CNTNAP2: variants seen among roughly 807,000 people sequenced by gnomAD.
CNTNAP2 encodes contactin associated protein 2.
A neutral mutation model predicts 155.2 loss-of-function variants in CNTNAP2; 98 were observed. The ratio of observed to expected loss-of-function variants is 0.63; its 90% CI spans 0.54 to 0.75. CNTNAP2 has a LOEUF of 0.75. Ranked by LOEUF, CNTNAP2 falls within the 30% of genes least tolerant of loss-of-function variation. The probability of loss-of-function intolerance (pLI) is 0.00; values close to 1 mark genes in which losing one functional copy is unlikely to be tolerated. For synonymous variants in CNTNAP2, 651 were observed against 631.2 expected (o/e 1.03, Z -0.47); for missense variants, 1,727 against 1,688.1 (o/e 1.02, Z -0.40).
chr7:147,812,001 C>T (rs1028913049), intron 13 of CNTNAP2, among the ~76,000 whole-genome samples: 1 of 152,056 alleles, frequency 6.6e-6, no homozygotes, highest in African/African-American at 2.4e-5. Flanking sequence ...GGAAAAAAAT[C>T]AAATAATAGC....
chr7:146,230,362 C>T (rs547302774), intron 1 of CNTNAP2, among the ~76,000 whole-genome samples: 20 of 152,296 alleles, frequency 1.3e-4, no homozygotes, highest in African/African-American at 4.6e-4. Context: ...ACTTCCTTCA[C>T]TGAAGAGAAA....
At chr7:148,394,813 A>G (rs1799430607) in intron 22 of CNTNAP2, among the ~76,000 whole-genome samples, 1 of 152,212 alleles carries the variant, frequency 6.6e-6, no homozygotes, top group South Asian at 2.1e-4. Flanking sequence ...TGGGAGTGGC[A>G]AGGAGATAAG....
At chr7:147,696,452 T>C (rs1324889076) in intron 13 of CNTNAP2, among the ~76,000 whole-genome samples, 2 of 152,204 alleles carry the variant, frequency 1.3e-5, no homozygotes, top group Non-Finnish European at 2.9e-5. Flanking sequence ...GCAAATACTT[T>C]ATAATAACAA....
intron 1 of CNTNAP2, among the ~76,000 whole-genome samples, chr7:146,703,465 T>A (rs950629185): frequency 6.6e-6 from 1 of 152,158 alleles, no homozygotes; most frequent in Non-Finnish European, 1.5e-5. Context: ...ACTCATTTTT[T>A]AAGTATTTTT....
At chr7:148,159,909 T>A (rs933314761) in intron 17 of CNTNAP2, among the ~76,000 whole-genome samples, 1 of 151,954 alleles carries the variant, frequency 6.6e-6, no homozygotes, top group African/African-American at 2.4e-5. Flanking sequence ...CTTATGACAT[T>A]TTTTTTTAAA....
At chr7:148,272,797 G>A (rs1796805214) in intron 21 of CNTNAP2, among the ~76,000 whole-genome samples, 2 of 152,286 alleles carry the variant, frequency 1.3e-5, no homozygotes, top group South Asian at 2.1e-4. Context: ...ACTAGTATGA[G>A]AATCATGTCC....
At chr7:147,753,838 T>C (rs1797175630) in intron 13 of CNTNAP2, among the ~76,000 whole-genome samples, 1 of 152,160 alleles carries the variant, frequency 6.6e-6, no homozygotes, top group Non-Finnish European at 1.5e-5. Context: ...TGCTCAATAA[T>C]TAGAACTTTG....
intron 8 of CNTNAP2, among the ~76,000 whole-genome samples, chr7:147,145,033 G>A (rs1486464262): frequency 6.6e-6 from 1 of 152,156 alleles, no homozygotes; most frequent in Non-Finnish European, 1.5e-5. Context: ...AAATCAGTAA[G>A]ATGATATGAC....
At chr7:146,705,578 C>T (rs1800949542) in intron 1 of CNTNAP2, among the ~76,000 whole-genome samples, 1 of 151,482 alleles carries the variant, frequency 6.6e-6, no homozygotes, top group South Asian at 2.1e-4. Flanking sequence ...ATACCTGAGA[C>T]TGGATAATTT....
chr7:147,513,829 C>A (rs117233482), intron 11 of CNTNAP2, among the ~76,000 whole-genome samples: 1 of 152,204 alleles, frequency 6.6e-6, no homozygotes, highest in Admixed American at 6.5e-5. Flanking sequence ...CTTCAATCTG[C>A]ACCCGGGGGA....
chr7:148,119,788 TA>T (rs1804561346), intron 16 of CNTNAP2, among the ~76,000 whole-genome samples: 1 of 152,158 alleles, frequency 6.6e-6, no homozygotes, highest in South Asian at 2.1e-4. Context: ...TAAATACTCA[TA>T]AGGCATTTAT....
intron 4 of CNTNAP2, among the ~76,000 whole-genome samples, chr7:147,094,830 A>G (rs1004247270): frequency 5.3e-5 from 8 of 152,086 alleles, no homozygotes; most frequent in East Asian, 3.9e-4. Flanking sequence ...TTGGCCTGCT[A>G]TAACAGAATA....
At chr7:148,064,301 T>G (rs1045013460) in intron 15 of CNTNAP2, among the ~76,000 whole-genome samples, 3 of 152,092 alleles carry the variant, frequency 2.0e-5, no homozygotes, top group Non-Finnish European at 2.9e-5. Flanking sequence ...TGCATTGAAT[T>G]TATAGATTGC....
chr7:147,862,624 C>CAT (rs35195015), intron 13 of CNTNAP2, among the ~76,000 whole-genome samples: 89,545 of 150,836 alleles, frequency 0.59, 26,840 homozygotes, highest in Middle Eastern at 0.7. Context: ...TGAGACCACT[C>CAT]ATATATATAT....
intron 3 of CNTNAP2, among the ~76,000 whole-genome samples, chr7:146,861,969 C>T (rs1795110972): frequency 6.6e-6 from 1 of 152,092 alleles, no homozygotes; most frequent in African/African-American, 2.4e-5. Flanking sequence ...TGTATAACCA[C>T]TGTAATTAAA....
At chr7:148,014,570 C>T (rs1802142057) in intron 15 of CNTNAP2, among the ~76,000 whole-genome samples, 2 of 152,220 alleles carry the variant, frequency 1.3e-5, no homozygotes, top group Non-Finnish European at 2.9e-5. Context: ...AGAATGATAG[C>T]TCTGTTACTC....
At chr7:146,547,999 G>A (rs1261648332) in intron 1 of CNTNAP2, among the ~76,000 whole-genome samples, 2 of 151,780 alleles carry the variant, frequency 1.3e-5, no homozygotes, top group African/African-American at 4.8e-5. Flanking sequence ...GGGTACATGT[G>A]TAGGTTTGTT....
chr7:147,925,650 T>C (rs2708251), intron 14 of CNTNAP2, among the ~76,000 whole-genome samples: 1 of 151,778 alleles, frequency 6.6e-6, no homozygotes, highest in Non-Finnish European at 1.5e-5. Context: ...TTTAGTAGAG[T>C]TGGGGTTTCA....
chr7:148,416,647 T>C lies in CNTNAP2; in HGVS notation c.*1031T>C, dbSNP rs1481840271. 1.3e-5 allele frequency: 2 copies of C among 152,668 alleles called. No individual in the cohort carries two copies. Among genetic ancestry groups the C allele is most frequent in the Non-Finnish European group, 2.9e-5 (2 of 68,036 alleles). 9.5% of individuals were successfully genotyped at this position (152,668 alleles called of 1,614,324 possible). On this transcript the variant is annotated 3_prime_UTR_variant, in exon 24 of 24. Coordinates refer to ENST00000361727, the MANE Select transcript of CNTNAP2 (RefSeq NM_014141.6). ...TTCCACCCCTGTGACACAATCCTAA[T>C]AGACAGTGTCCTGTAAATGGACACA...
Sources: allele counts gnomAD v4.1 joint callset (sites outside exome capture counted in the v4.1 genomes callset), GRCh38; gene constraint gnomAD v4.1.1; transcripts MANE v1.5; gene names NCBI Gene and HGNC (gene_info 2026-07-23, HGNC 2026-07-21).